Variants in HPSE observed in about 807,000 individuals in gnomAD.
HPSE encodes heparanase, also known as endo-glucoronidase.
Under a neutral mutation model 65.1 loss-of-function variants are expected in HPSE, and 48 were observed. The ratio of observed to expected loss-of-function variants is 0.74; its 90% confidence interval spans 0.58 to 0.94. HPSE has a LOEUF of 0.94. HPSE is among the 40% of genes least tolerant of loss of function. The probability of loss-of-function intolerance (pLI) is 0.00; values close to 1 mark genes in which losing one functional copy is unlikely to be tolerated. For missense variants in HPSE, 644 were observed against 637.5 expected, an observed-to-expected ratio of 1.01 and a Z score of -0.11; for synonymous variants, 243 against 260.0, an observed-to-expected ratio of 0.93 and a Z score of 0.63.
At chr4:83,319,074 A>T (rs974905084) in intron 3 of HPSE, among the ~76,000 whole-genome samples, 1 of 152,184 alleles carries the variant, frequency 6.6e-6, no homozygotes, top group Non-Finnish European at 1.5e-5. Flanking sequence ...TTGACTCCGT[A>T]GTTTTTTAGA....
At chr4:83,300,362 T>C (rs1359388972) in intron 11 of HPSE, among the ~76,000 whole-genome samples, 1 of 152,244 alleles carries the variant, frequency 6.6e-6, no homozygotes, top group African/African-American at 2.4e-5. Context: ...AGTGAATGTG[T>C]TACCAAGAAT....
In HPSE at chr4:83,308,881, G is replaced by A; in HGVS notation, c.1055C>T (p.Ala352Val). 4 of 1,614,122 alleles carry A rather than the reference G, an allele frequency of 2.5e-6. No individual in the cohort carries two copies. Among genetic ancestry groups the A allele is most frequent in the East Asian group, 4.5e-5 (2 of 44,876 alleles). Residue 352 changes from alanine to valine, a missense_variant, in exon 8 of 12, where the codon GCG (alanine) becomes GTG (valine). Physicochemically the swap from Ala to Val is moderately conservative, Grantham distance 64. Transcript: ENST00000311412. Reference protein sequence around the residue: ...GETSSAYGGGAPLLSDTFAAG... With the variant: ...GETSSAYGGGVPLLSDTFAAG... ...TGCAAAGGTGTCGGATAGCAAGGGCGCTCCGCCTCCATATGCAGAGCTTGT... is the reference window on the plus strand; with the variant it reads ...TGCAAAGGTGTCGGATAGCAAGGGCACTCCGCCTCCATATGCAGAGCTTGT...
intron 7 of HPSE, among the ~76,000 whole-genome samples, chr4:83,309,173 T>A (rs1473081533): frequency 1.3e-5 from 2 of 152,218 alleles, no homozygotes; most frequent in Non-Finnish European, 1.5e-5. Context: ...ATTCTTATCA[T>A]CTATGTGAGT....
intron 3 of HPSE, among the ~76,000 whole-genome samples, chr4:83,314,621 CA>C (rs1288240583): frequency 6.6e-6 from 1 of 152,152 alleles, no homozygotes; most frequent in Non-Finnish European, 1.5e-5. Flanking sequence ...AGAGTGGCAA[CA>C]ATATAATTTT....
At chr4:83,332,402 G>C (rs946533614) in intron 1 of HPSE, among the ~76,000 whole-genome samples, 1 of 152,244 alleles carries the variant, frequency 6.6e-6, no homozygotes, top group Non-Finnish European at 1.5e-5. Context: ...TTGTCGATGC[G>C]TCTGGGGAGC....
In HPSE at chr4:83,319,470, C is replaced by A; in HGVS notation, c.374-1G>T. 1 of 1,613,404 alleles carries A rather than the reference C, an allele frequency of 6.2e-7. No individual in the cohort carries two copies. The highest frequency in any genetic ancestry group is 8.5e-7 in the Non-Finnish European group (1 of 1,179,522). On this transcript the variant is annotated splice_acceptor_variant, in intron 2 of 11. Coordinates refer to ENST00000311412, the MANE Select transcript of HPSE (RefSeq NM_001098540.3). LOFTEE classifies it high-confidence loss of function. ...GGGATGGATCCATATTTGCAAATAT[C>A]TGCAAGTGGAAGAGATCATTTAGAA...
intron 9 of HPSE, among the ~76,000 whole-genome samples, chr4:83,305,579 T>A (rs921979431): frequency 6.6e-6 from 1 of 152,220 alleles, no homozygotes; most frequent in African/African-American, 2.4e-5. Flanking sequence ...AAAATCAAGG[T>A]CATGCTTCTC....
At position 83,295,277 on chromosome 4, in the gene HPSE, A is replaced by C; in HGVS notation, c.*67T>G. 1 of 1,391,860 alleles carries C rather than the reference A, an allele frequency of 7.2e-7. No individual in the cohort carries two copies. Among genetic ancestry groups the C allele is most frequent in the Non-Finnish European group, 9.8e-7 (1 of 1,018,420 alleles). 86.2% of individuals were successfully genotyped at this position (1,391,860 alleles called of 1,614,324 possible). A position where few individuals can be genotyped will look rare whatever the true frequency, so the allele number is the denominator to read the frequency against. On this transcript the variant is annotated 3_prime_UTR_variant, in exon 12 of 12. Coordinates refer to ENST00000311412, the MANE Select transcript of HPSE (RefSeq NM_001098540.3). ...TTGCAAGGTATCTGCTTCCTTTCCT[A>C]TAACTTGAGTTGCTTTACTCTTAGT...
chr4:83,328,239 C>G (rs372560905), intron 1 of HPSE, among the ~76,000 whole-genome samples: 1 of 152,162 alleles, frequency 6.6e-6, no homozygotes, highest in Non-Finnish European at 1.5e-5. Flanking sequence ...AGTGGCAGGG[C>G]CATACTCCCT....
chr4:83,315,539 G>A (rs1266031379), intron 3 of HPSE, among the ~76,000 whole-genome samples: 2 of 152,200 alleles, frequency 1.3e-5, no homozygotes, highest in Non-Finnish European at 2.9e-5. Context: ...ACCTGCTTTA[G>A]TCACACATTA....
At chr4:83,311,138 G>A (rs1736355396) in intron 4 of HPSE, among the ~76,000 whole-genome samples, 1 of 148,402 alleles carries the variant, frequency 6.7e-6, no homozygotes, top group Non-Finnish European at 1.5e-5. Flanking sequence ...GTAAAGCCCT[G>A]TTCCATGGGG....
chr4:83,299,705 T>C (rs116382448), intron 11 of HPSE, among the ~76,000 whole-genome samples: 3,600 of 151,936 alleles, frequency 0.024, 149 homozygotes, highest in African/African-American at 0.081. Flanking sequence ...TCTTAATTTT[T>C]ATTTATTTAT....
rs930665480 is a variant in HPSE, at chr4:83,326,964, G to A, written c.228-4600C>T. The stretch of plus-strand genomic sequence containing the variant: ...AGCCTGGTCCTTAGAGGTACAAACT[G>A]TACCACCTTGGGTCACTCTCCATCA... On this transcript the variant is annotated intron_variant, in intron 1 of 11. Transcript: ENST00000311412. The surrounding 1 kb of genome is among the most constrained non-coding windows in gnomAD (Gnocchi z 4.2). Among the ~76,000 whole-genome samples the A allele has an allele frequency of 6.6e-6, 1 of 152,144 alleles. No homozygotes were observed. Among genetic ancestry groups the A allele is most frequent in the Non-Finnish European group, 1.5e-5 (1 of 68,014 alleles).
chr4:83,306,704 T>G (rs1736159260), intron 8 of HPSE, among the ~76,000 whole-genome samples: 1 of 152,212 alleles, frequency 6.6e-6, no homozygotes, highest in African/African-American at 2.4e-5. Flanking sequence ...ATTCAGTTCA[T>G]GGTTTGACTC....
rs1247539165 is a variant in HPSE, at chr4:83,293,864, G to T, written c.*1480C>A. The T allele has an allele frequency of 6.6e-6, 1 of 152,158 alleles. No individual in the cohort carries two copies. The highest frequency in any genetic ancestry group is 2.4e-5 in the African/African-American group (1 of 41,414). 9.4% of individuals were successfully genotyped at this position (152,158 alleles called of 1,614,324 possible). On this transcript the variant is annotated 3_prime_UTR_variant, in exon 12 of 12. Transcript: ENST00000311412. ...CTGTCTTTTAAGGTGCAAATAGATAGTTTCTCTTTTACAACCAGTTTCACG... is the reference window on the plus strand; with the variant it reads ...CTGTCTTTTAAGGTGCAAATAGATATTTTCTCTTTTACAACCAGTTTCACG...
intron 4 of HPSE, among the ~76,000 whole-genome samples, chr4:83,312,069 T>A (rs1736401011): frequency 6.6e-6 from 1 of 152,176 alleles, no homozygotes; most frequent in Non-Finnish European, 1.5e-5. Context: ...ATGGGGTTAC[T>A]GAGATTAACT....
At chr4:83,300,923 T>A in intron 11 of HPSE, 37 bp downstream of exon 11, 1 of 1,441,370 alleles carries the variant, frequency 6.9e-7, no homozygotes. Flanking sequence ...CCAATAAATT[T>A]ATTGAAAGTT....
chr4:83,322,139 G>T (rs765468117), intron 2 of HPSE, 80 bp downstream of exon 2: 3 of 1,226,878 alleles, frequency 2.4e-6, no homozygotes, highest in Non-Finnish European at 3.5e-6. Context: ...TTAGGTGTGA[G>T]AAATAACAGT....
At chr4:83,328,667 G>GCT (rs573288454) in intron 1 of HPSE, among the ~76,000 whole-genome samples, 181 of 149,032 alleles carry the variant, frequency 1.2e-3, no homozygotes, top group African/African-American at 4.0e-3. Context: ...GGGCAGAACA[G>GCT]GAAGAACAGG....
Sources: gnomAD v4.1 joint callset for allele counts (sites outside exome capture counted in the v4.1 genomes callset) on GRCh38, gnomAD v4.1.1 for gene constraint, Gnocchi (gnomAD v3.1) non-coding constraint, MANE v1.5 for transcripts, NCBI Gene and HGNC (gene_info 2026-07-23, HGNC 2026-07-21) for gene names.